SLC28A1: variants seen among roughly 807,000 people sequenced by gnomAD.
SLC28A1 encodes solute carrier family 28 member 1.
A neutral mutation model predicts 74.8 loss-of-function variants in SLC28A1; 64 were observed. That is an observed-to-expected ratio of 0.86 (90% CI 0.70 to 1.05). The LOEUF is 1.05. Ranked by LOEUF, SLC28A1 falls within the 50% of genes least tolerant of loss-of-function variation. SLC28A1 has a pLI of 0.00. For missense variants in SLC28A1, 828 were observed against 822.8 expected (o/e 1.01, Z -0.08); for synonymous variants, 359 against 335.0 (o/e 1.07, Z -0.78).
In SLC28A1 at chr15:84,916,056, G is replaced by A. The variant is rs561361489; in HGVS notation, c.796-2468G>A. On this transcript the variant is annotated intron_variant, in intron 9 of 18. Coordinates refer to ENST00000394573, the MANE Select transcript of SLC28A1 (RefSeq NM_004213.5). ...CGGCTCACTGCAACCTCTGCCTCCCGGGTTCAAGCGATTCTCATGCCTCAG... is the reference window on the plus strand; with the variant it reads ...CGGCTCACTGCAACCTCTGCCTCCCAGGTTCAAGCGATTCTCATGCCTCAG... 7.9e-5 allele frequency among the ~76,000 whole-genome samples: 12 copies of A among 151,738 alleles called. No individual in the cohort carries two copies. The South Asian group carries it at 2.3e-3, about 29-fold the overall frequency.
intron 15 of SLC28A1, among the ~76,000 whole-genome samples, chr15:84,936,047 C>T (rs1194535922): frequency 6.9e-6 from 1 of 145,708 alleles, no homozygotes; most frequent in African/African-American, 2.6e-5. Flanking sequence ...CTCCGCCTCC[C>T]GGGTTCACGC....
intron 9 of SLC28A1, among the ~76,000 whole-genome samples, chr15:84,909,290 C>A (rs1200137073): frequency 5.3e-5 from 8 of 152,224 alleles, no homozygotes. Context: ...GCTGCAATAG[C>A]TCCCTCCTTT....
intron 12 of SLC28A1, among the ~76,000 whole-genome samples, chr15:84,932,464 T>A (rs558062239): frequency 6.6e-6 from 1 of 152,176 alleles, no homozygotes; most frequent in African/African-American, 2.4e-5. Context: ...AGAAGGAGAC[T>A]GAGGGTCAAA....
intron 9 of SLC28A1, among the ~76,000 whole-genome samples, chr15:84,909,989 G>A (rs565935998): frequency 7.9e-5 from 12 of 152,334 alleles, no homozygotes; most frequent in South Asian, 2.1e-4. Flanking sequence ...CTGGGCTGGC[G>A]TTGAGCCAGA....
At chr15:84,955,695 C>T in the SLC28A1 span, among the ~76,000 whole-genome samples, 1 of 152,208 alleles carries the variant, frequency 6.6e-6, no homozygotes, top group Non-Finnish European at 1.5e-5. Context: ...CTGGGAGCCT[C>T]TCCCTTTTGT....
chr15:84,914,136 T>C (rs2343676), intron 9 of SLC28A1, among the ~76,000 whole-genome samples: 4 of 151,928 alleles, frequency 2.6e-5, no homozygotes, highest in Admixed American at 2.0e-4. Flanking sequence ...TTTTGGTAGA[T>C]ACAGGGTCTC....
In SLC28A1 at chr15:84,905,861, A is replaced by G. The variant is rs1261306013; in HGVS notation, c.717+209A>G. On this transcript the variant is annotated intron_variant, in intron 8 of 18. Coordinates refer to ENST00000394573, the MANE Select transcript of SLC28A1 (RefSeq NM_004213.5). ...CCTCATGCCTGGTACTGAGGTCCCA[A>G]TAGAGTAGTCTTTCCAGAGGCTGGG... is the stretch of plus-strand genomic sequence containing the variant. Among the ~76,000 whole-genome samples the G allele has an allele frequency of 2.0e-5, 3 of 151,980 alleles. No homozygotes were observed. The East Asian group carries it at 5.8e-4, about 29-fold the overall frequency.
chr15:84,932,994 T>TAAAATGG, intron 12 of SLC28A1, 151 bp from the exon 13 acceptor site: 1 of 246,770 alleles, frequency 4.1e-6, no homozygotes, highest in Non-Finnish European at 6.1e-6. Context: ...ATAAAAGGTA[T>TAAAATGG]TATTATTATT....
intron 1 of SLC28A1, among the ~76,000 whole-genome samples, chr15:84,885,115 T>A (rs1376927934): frequency 6.6e-6 from 1 of 151,992 alleles, no homozygotes; most frequent in Non-Finnish European, 1.5e-5. Context: ...CCTGCCACCA[T>A]GCCTGGCTAA....
chr15:84,895,086 C>T lies in SLC28A1; in HGVS notation c.424C>T (p.Pro142Ser). The T allele has an allele frequency of 1.2e-6, 2 of 1,610,072 alleles. No homozygotes were observed. Among genetic ancestry groups the T allele is most frequent in the Non-Finnish European group, 1.7e-6 (2 of 1,177,808 alleles). Residue 142 changes from proline (P) to serine (S), a missense_variant, in exon 6 of 19, where the codon CCT becomes TCT. Physicochemically the swap from Pro to Ser is moderately conservative, Grantham distance 74. This residue lies in a region of SLC28A1 where 767 missense variants were observed against 753.5 expected (regional missense o/e 1.02). Transcript: ENST00000394573. ...GCCAAAGCTGAGGAGGTTTCTCAAG[C>T]CTCAGGGCCATCCCCGCCTGCTGCT... is the stretch of plus-strand genomic sequence containing the variant. ...LGPKLRRFLKPQGHPRLLLWF... is the reference protein window; with the variant it reads ...LGPKLRRFLKSQGHPRLLLWF...
chr15:84,908,546 A>T (rs973159205), intron 8 of SLC28A1, among the ~76,000 whole-genome samples, 172 bp from the exon 9 acceptor site: 1 of 151,948 alleles, frequency 6.6e-6, no homozygotes, highest in Non-Finnish European at 1.5e-5. Flanking sequence ...CTTAGGAGTG[A>T]GTGCCCGTGA....
intron 6 of SLC28A1, among the ~76,000 whole-genome samples, chr15:84,903,301 C>G (rs1259147422): frequency 6.6e-6 from 1 of 152,226 alleles, no homozygotes; most frequent in Admixed American, 6.5e-5. Context: ...GAAATCTCAG[C>G]TCTGCCACTT....
At chr15:84,965,908 G>T in the SLC28A1 span, among the ~76,000 whole-genome samples, 18 of 148,616 alleles carry the variant, frequency 1.2e-4, no homozygotes, top group East Asian at 9.9e-4. Context: ...CGGGGAGGGG[G>T]GGGAAATATT....
intron 12 of SLC28A1, among the ~76,000 whole-genome samples, chr15:84,931,505 A>G (rs1450777750): frequency 2.1e-5 from 3 of 146,180 alleles, no homozygotes; most frequent in Non-Finnish European, 4.5e-5. Flanking sequence ...AAAAAAAATT[A>G]GCTGGGCGTG....
chr15:84,901,376 G>A (rs1038281190), intron 6 of SLC28A1, among the ~76,000 whole-genome samples: 3 of 151,974 alleles, frequency 2.0e-5, no homozygotes, highest in African/African-American at 4.8e-5. Flanking sequence ...ATATGGTGAC[G>A]GGCACCTGTA....
At chr15:84,946,088 A>G (rs1293916793), downstream of SLC28A1, among the ~76,000 whole-genome samples, 631 of 11,264 alleles carry the variant, frequency 0.056, 17 homozygotes, top group African/African-American at 0.15. Flanking sequence ...GTATGTTCAT[A>G]TATATATATA....
chr15:84,936,766 G>T (rs1297692435), intron 15 of SLC28A1, among the ~76,000 whole-genome samples: 1 of 152,118 alleles, frequency 6.6e-6, no homozygotes, highest in Non-Finnish European at 1.5e-5. Context: ...TTAAGAGAGA[G>T]TTTAGGTCAG....
At chr15:84,885,260 CT>C (rs1163597445) in intron 1 of SLC28A1, among the ~76,000 whole-genome samples, 1,855 of 142,440 alleles carry the variant, frequency 0.013, 26 homozygotes, top group African/African-American at 0.04. Context: ...TGCCCCCCCT[CT>C]TTTTTTTTTT....
intron 12 of SLC28A1, 147 bp from the exon 13 acceptor site, chr15:84,932,998 T>C (rs1185077926): frequency 1.3e-6 from 1 of 762,096 alleles, no homozygotes; most frequent in Non-Finnish European, 2.3e-6. Context: ...AAGGTATTAT[T>C]ATTATTAGTG....
Sources: allele counts gnomAD v4.1 joint callset (sites outside exome capture counted in the v4.1 genomes callset), GRCh38; gene constraint gnomAD v4.1.1; regional missense constraint gnomAD v4.1.1; transcripts MANE v1.5; gene names NCBI Gene and HGNC (gene_info 2026-07-23, HGNC 2026-07-21).